Variants in HS3ST5 observed in about 807,000 individuals in gnomAD.
HS3ST5 encodes heparan sulfate glucosamine 3-O-sulfotransferase 5.
In HS3ST5, 10 loss-of-function variants were observed where a neutral mutation model predicts 25.4. The observed-to-expected ratio is 0.39, with a 90% CI of 0.24 to 0.67. The LOEUF is 0.67. Ranked by LOEUF, HS3ST5 falls within the 30% of genes least tolerant of loss-of-function variation. The pLI is 0.44. For synonymous variants in HS3ST5, 170 were observed against 162.4 expected, an observed-to-expected ratio of 1.05 and a Z score of -0.36; for missense variants, 324 against 420.7, an observed-to-expected ratio of 0.77 and a Z score of 2.01.
chr6:114,115,955 A>G (rs1238609161), intron 3 of HS3ST5, among the ~76,000 whole-genome samples: 3 of 152,114 alleles, frequency 2.0e-5, no homozygotes, highest in Non-Finnish European at 4.4e-5. Flanking sequence ...AACTGGCCCT[A>G]TAATTCTCAT....
At chr6:114,059,255 C>A (rs1026077055) in intron 4 of HS3ST5, 1 of 152,144 alleles carries the variant, frequency 6.6e-6, no homozygotes, top group African/African-American at 2.4e-5. Context: ...CTAAGTTGAT[C>A]TGTGAGGGCA....
intron 1 of HS3ST5, among the ~76,000 whole-genome samples, chr6:114,243,876 A>G (rs187392433): frequency 2.0e-4 from 30 of 152,298 alleles, no homozygotes; most frequent in African/African-American, 5.5e-4. Context: ...GCTGTCCCCA[A>G]TACACTCCTA....
At chr6:114,156,485 G>C (rs1270339848) in intron 3 of HS3ST5, among the ~76,000 whole-genome samples, 2 of 152,134 alleles carry the variant, frequency 1.3e-5, no homozygotes, top group African/African-American at 2.4e-5. Flanking sequence ...AACGGATAGT[G>C]TAACTCTCTT....
chr6:114,091,995 T>C (rs1775143889), intron 3 of HS3ST5, among the ~76,000 whole-genome samples: 1 of 152,182 alleles, frequency 6.6e-6, no homozygotes, highest in African/African-American at 2.4e-5. Flanking sequence ...AAAACCACTC[T>C]CAAACTCTCA....
chr6:114,297,296 C>T (rs564971879), intron 1 of HS3ST5, among the ~76,000 whole-genome samples: 138 of 152,120 alleles, frequency 9.1e-4, no homozygotes, highest in African/African-American at 3.1e-3. Context: ...CACAGGGCTC[C>T]GGTTTAGAGG....
chr6:114,078,502 A>G (rs1294565347), intron 3 of HS3ST5, among the ~76,000 whole-genome samples: 1 of 152,118 alleles, frequency 6.6e-6, no homozygotes, highest in Non-Finnish European at 1.5e-5. Flanking sequence ...CGGCAAACAC[A>G]CAGTTTTCAA....
rs9488317 is a variant in HS3ST5, at chr6:114,065,826, T to A, written c.-32-2949A>T. 6.2e-4 allele frequency among the ~76,000 whole-genome samples: 95 copies of A among 152,342 alleles called. 1 individual carries two copies. Among genetic ancestry groups the A allele is most frequent in the African/African-American group, 2.2e-3 (93 of 41,586 alleles). ...TCTCCAGCCTCATACAGGGGACCAATTCAGAGGAAGGCTAGGGAAGTTATC... is the reference window on the plus strand; with the variant it reads ...TCTCCAGCCTCATACAGGGGACCAAATCAGAGGAAGGCTAGGGAAGTTATC... On this transcript the variant is annotated intron_variant, in intron 3 of 4. Transcript: ENST00000312719.
chr6:114,058,863 A>T (rs1464227513), intron 4 of HS3ST5: 1 of 152,232 alleles, frequency 6.6e-6, no homozygotes. Context: ...TTATATATCC[A>T]CTTTGCTGAA....
intron 1 of HS3ST5, among the ~76,000 whole-genome samples, chr6:114,229,909 T>C (rs1771494081): frequency 6.6e-6 from 1 of 152,202 alleles, no homozygotes; most frequent in Non-Finnish European, 1.5e-5. Flanking sequence ...ATAGCACTAA[T>C]GGCTTTCCCT....
chr6:114,262,096 T>A (rs1442276118), intron 1 of HS3ST5, among the ~76,000 whole-genome samples: 1 of 152,180 alleles, frequency 6.6e-6, no homozygotes, highest in African/African-American at 2.4e-5. Flanking sequence ...ATTTTGCACA[T>A]CCTACTTTGC....
At chr6:114,148,705 C>A (rs554459262) in intron 3 of HS3ST5, among the ~76,000 whole-genome samples, 1 of 152,138 alleles carries the variant, frequency 6.6e-6, no homozygotes, top group Admixed American at 6.6e-5. Context: ...ACTAAAACAC[C>A]AAAAGCAATT....
At chr6:114,192,028 G>T (rs1780529615) in intron 2 of HS3ST5, among the ~76,000 whole-genome samples, 1 of 152,060 alleles carries the variant, frequency 6.6e-6, no homozygotes, top group African/African-American at 2.4e-5. Context: ...CTTCAAGAGA[G>T]AAAATATTTT....
intron 2 of HS3ST5, among the ~76,000 whole-genome samples, chr6:114,212,517 C>T (rs536752983): frequency 6.6e-5 from 10 of 152,096 alleles, no homozygotes; most frequent in Non-Finnish European, 1.5e-4. Context: ...CTATTCCCTA[C>T]TAAAAAAAGC....
chr6:114,185,359 C>T (rs1319560948), intron 2 of HS3ST5, among the ~76,000 whole-genome samples: 2 of 152,188 alleles, frequency 1.3e-5, no homozygotes, highest in Admixed American at 6.5e-5. Flanking sequence ...CTCCCTCCTT[C>T]TGCCATGTGA....
chr6:114,195,067 C>A (rs1389019922), intron 2 of HS3ST5, among the ~76,000 whole-genome samples: 2 of 152,186 alleles, frequency 1.3e-5, no homozygotes, highest in Non-Finnish European at 2.9e-5. Flanking sequence ...GGACACATAA[C>A]CTTGATATTT....
intron 2 of HS3ST5, among the ~76,000 whole-genome samples, chr6:114,183,767 G>A (rs1412457842): frequency 3.3e-5 from 5 of 152,164 alleles, no homozygotes; most frequent in Admixed American, 6.5e-5. Flanking sequence ...GGAAAAAGGA[G>A]AGATGTAGAG....
chr6:114,087,796 C>A (rs2114784220), intron 3 of HS3ST5, among the ~76,000 whole-genome samples: 1 of 152,274 alleles, frequency 6.6e-6, no homozygotes, highest in Non-Finnish European at 1.5e-5. Context: ...AGGTTCATCT[C>A]TCTGTCCTGT....
intron 1 of HS3ST5, among the ~76,000 whole-genome samples, chr6:114,258,723 G>A (rs902649405): frequency 4.6e-5 from 7 of 152,018 alleles, no homozygotes; most frequent in African/African-American, 1.7e-4. Flanking sequence ...AAACTGTTGG[G>A]TATTCTGACC....
At position 114,055,866 on chromosome 6, in the gene HS3ST5, A is replaced by G. The variant is rs1474442278; in HGVS notation, c.*1391T>C. The G allele has an allele frequency of 6.6e-6, 1 of 152,218 alleles. No homozygotes were observed. Among genetic ancestry groups the G allele is most frequent in the Non-Finnish European group, 1.5e-5 (1 of 68,040 alleles). 9.4% of individuals were successfully genotyped at this position (152,218 alleles called of 1,614,324 possible). ...CACATTTTACTGAATATATTTAAGC[A>G]TAATACAGTGTATCTGATGTTAGCG... On this transcript the variant is annotated 3_prime_UTR_variant, in exon 5 of 5. Transcript: ENST00000312719.
Sources: allele counts gnomAD v4.1 joint callset (sites outside exome capture counted in the v4.1 genomes callset), GRCh38; gene constraint gnomAD v4.1.1; transcripts MANE v1.5; gene names NCBI Gene and HGNC (gene_info 2026-07-23, HGNC 2026-07-21).